MAML2: variants seen among roughly 807,000 people sequenced by gnomAD.
MAML2 encodes mastermind-like protein 2.
Under a neutral mutation model 96.1 loss-of-function variants are expected in MAML2, and 22 were observed. The ratio of observed to expected loss-of-function variants is 0.23; its 90% CI spans 0.16 to 0.33. MAML2 has a LOEUF of 0.33. Among genes scored for constraint, MAML2 ranks in the 10% least tolerant of loss-of-function variants. The pLI is 1.00. For missense variants in MAML2, 1,367 were observed against 1,392.4 expected (o/e 0.98, Z 0.29); for synonymous variants, 561 against 521.3 (o/e 1.08, Z -1.04).
intron 1 of MAML2, among the ~76,000 whole-genome samples, chr11:96,276,319 C>T (rs560556483): frequency 6.6e-6 from 1 of 152,160 alleles, no homozygotes; most frequent in African/African-American, 2.4e-5. Context: ...CTGAACTGTG[C>T]TGTTACACCC....
At chr11:96,160,390 C>A (rs1861084367) in intron 1 of MAML2, among the ~76,000 whole-genome samples, 1 of 151,764 alleles carries the variant, frequency 6.6e-6, no homozygotes, top group Admixed American at 6.6e-5. Context: ...ATTTTATGGC[C>A]TTTAGCAAAT....
At chr11:96,322,895 G>A (rs1863725766) in intron 1 of MAML2, among the ~76,000 whole-genome samples, 1 of 152,172 alleles carries the variant, frequency 6.6e-6, no homozygotes, top group Non-Finnish European at 1.5e-5. Context: ...ATCACAGTGT[G>A]CCTAGTATTA....
chr11:96,142,269 T>G (rs1038241470), intron 1 of MAML2, among the ~76,000 whole-genome samples: 1 of 152,112 alleles, frequency 6.6e-6, no homozygotes, highest in Non-Finnish European at 1.5e-5. Flanking sequence ...GAAGAGTCCA[T>G]ATGAGGTGCC....
chr11:96,236,822 T>TAAATATAGTATAGTAA (rs1462378197), intron 1 of MAML2, among the ~76,000 whole-genome samples: 1 of 152,202 alleles, frequency 6.6e-6, no homozygotes, highest in Non-Finnish European at 1.5e-5. Context: ...ATATCTATGG[T>TAAATATAGTATAGTAA]ATACTGAGCT....
At chr11:96,086,835 G>T (rs1859623581) in intron 2 of MAML2, among the ~76,000 whole-genome samples, 2 of 152,148 alleles carry the variant, frequency 1.3e-5, no homozygotes, top group African/African-American at 4.8e-5. Flanking sequence ...TTCAGATAAG[G>T]CAAGGTCAGT....
At chr11:96,314,394 C>T (rs573830382) in intron 1 of MAML2, among the ~76,000 whole-genome samples, 11 of 152,304 alleles carry the variant, frequency 7.2e-5, no homozygotes, top group East Asian at 3.9e-4. Context: ...ATTTTAAGTC[C>T]TCTTGATATC....
intron 1 of MAML2, among the ~76,000 whole-genome samples, chr11:96,260,601 G>A (rs1033347251): frequency 5.9e-5 from 9 of 152,158 alleles, no homozygotes; most frequent in Non-Finnish European, 1.3e-4. Context: ...GATACCTGCA[G>A]TTTAAGACTA....
At chr11:96,340,442 A>G (rs1863977522) in intron 1 of MAML2, among the ~76,000 whole-genome samples, 1 of 152,214 alleles carries the variant, frequency 6.6e-6, no homozygotes. Flanking sequence ...CTTTGGGGGG[A>G]AGCCTGCAAA....
intron 1 of MAML2, among the ~76,000 whole-genome samples, chr11:96,339,398 A>G (rs530392382): frequency 1.1e-4 from 16 of 152,188 alleles, no homozygotes. Flanking sequence ...AACACCCTAG[A>G]AAAAAAAGGC....
intron 1 of MAML2, among the ~76,000 whole-genome samples, chr11:96,148,425 A>G (rs1860854630): frequency 1.3e-5 from 2 of 151,956 alleles, no homozygotes; most frequent in South Asian, 4.2e-4. Flanking sequence ...AGAAAACACA[A>G]TAGAAGTCTG....
intron 1 of MAML2, among the ~76,000 whole-genome samples, chr11:96,155,494 C>T (rs926955962): frequency 2.1e-4 from 21 of 99,432 alleles, no homozygotes; most frequent in Admixed American, 8.6e-4. Context: ...ACCTCATGGG[C>T]GCTGTAACAA....
intron 1 of MAML2, among the ~76,000 whole-genome samples, chr11:96,101,331 G>A (rs952087334): frequency 1.3e-5 from 2 of 152,220 alleles, no homozygotes; most frequent in African/African-American, 2.4e-5. Flanking sequence ...CATTTTGTCA[G>A]CGTGGACACT....
rs1040665526 is a variant in MAML2 at position 96,248,247 on chromosome 11, G to A, written c.513+93136C>T. Among the ~76,000 whole-genome samples, 18 of 151,232 alleles carry A rather than the reference G, an allele frequency of 1.2e-4. 1 individual carries two copies. Among genetic ancestry groups the A allele is most frequent in the Non-Finnish European group, 2.5e-4 (17 of 67,798 alleles). On this transcript the variant is annotated intron_variant, in intron 1 of 4. Coordinates refer to ENST00000524717, the MANE Select transcript of MAML2 (RefSeq NM_032427.4). Reference sequence around the variant, plus strand: ...CCTACCTCAGCCTCCCGGGTAGCTGGGACTACAGGCACCTGCCACCATGCC... The same window carrying A: ...CCTACCTCAGCCTCCCGGGTAGCTGAGACTACAGGCACCTGCCACCATGCC...
intron 2 of MAML2, among the ~76,000 whole-genome samples, chr11:96,033,544 T>G (rs1411830850): frequency 6.6e-6 from 1 of 152,220 alleles, no homozygotes; most frequent in Non-Finnish European, 1.5e-5. Flanking sequence ...TACCTAATCT[T>G]GTACTAGACT....
intron 1 of MAML2, among the ~76,000 whole-genome samples, chr11:96,208,778 A>T (rs1591073454): frequency 6.6e-6 from 1 of 152,216 alleles, no homozygotes; most frequent in East Asian, 1.9e-4. Context: ...TCAAGGAGGC[A>T]CCAGGGAAAG....
At chr11:96,012,691 C>G (rs528873452) in intron 2 of MAML2, among the ~76,000 whole-genome samples, 1 of 152,152 alleles carries the variant, frequency 6.6e-6, no homozygotes, top group East Asian at 1.9e-4. Flanking sequence ...TAGAATAAAC[C>G]TTTGAAATCT....
At chr11:96,288,084 C>A (rs1267358217) in intron 1 of MAML2, among the ~76,000 whole-genome samples, 1 of 152,096 alleles carries the variant, frequency 6.6e-6, no homozygotes, top group Non-Finnish European at 1.5e-5. Context: ...TCTTGGAAAC[C>A]ACCTGAAAAA....
intron 1 of MAML2, among the ~76,000 whole-genome samples, chr11:96,153,747 T>C (rs1860964718): frequency 6.6e-6 from 1 of 151,694 alleles, no homozygotes; most frequent in Non-Finnish European, 1.5e-5. Context: ...CCATCTCTAC[T>C]AAAAATACAA....
chr11:96,280,736 A>G (rs960851282), intron 1 of MAML2, among the ~76,000 whole-genome samples: 7 of 152,236 alleles, frequency 4.6e-5, no homozygotes, highest in Non-Finnish European at 5.9e-5. Flanking sequence ...CTGGAACATT[A>G]TATTGGGACA....
Sources: gnomAD v4.1 joint callset for allele counts (sites outside exome capture counted in the v4.1 genomes callset) on GRCh38, gnomAD v4.1.1 for gene constraint, MANE v1.5 for transcripts, NCBI Gene and HGNC (gene_info 2026-07-23, HGNC 2026-07-21) for gene names.